FAM162A: variants seen among roughly 807,000 people sequenced by gnomAD.
FAM162A encodes protein FAM162A.
Under a neutral mutation model 21.8 loss-of-function variants are expected in FAM162A, and 23 were observed. That is an observed-to-expected ratio of 1.05 (90% CI 0.76 to 1.49). FAM162A has a LOEUF of 1.49. Among genes scored for constraint, FAM162A ranks in the 40% most tolerant of loss-of-function variants. The probability of loss-of-function intolerance (pLI) is 0.00; values close to 1 mark genes in which losing one functional copy is unlikely to be tolerated. For missense variants in FAM162A, 165 were observed against 186.4 expected, an observed-to-expected ratio of 0.89 and a Z score of 0.67; for synonymous variants, 53 against 61.3, an observed-to-expected ratio of 0.86 and a Z score of 0.64.
intron 1 of FAM162A, among the ~76,000 whole-genome samples, chr3:122,400,495 A>C (rs977814704): frequency 6.6e-6 from 1 of 152,180 alleles, no homozygotes. Flanking sequence ...TGTTCTGCAC[A>C]TGTATCCTAG....
rs1456716792 is a variant in FAM162A at position 122,411,062 on chromosome 3, C to G, written c.*1231C>G. ...TAGTATATGCAGGGTTGGGTACTAT[C>G]CACAGTTTCAGGCATCTACTGGGGG... On this transcript the variant is annotated 3_prime_UTR_variant, in exon 5 of 5. Coordinates refer to ENST00000477892, the MANE Select transcript of FAM162A (RefSeq NM_014367.4). 2.0e-5 allele frequency: 3 copies of G among 152,250 alleles called. No homozygotes were observed. The highest frequency in any genetic ancestry group is 2.9e-5 in the Non-Finnish European group (2 of 68,088). The allele number at this position is 152,250 out of a possible 1,614,324, so 9.4% of individuals were successfully genotyped here.
rs1439097894 is a variant in FAM162A at position 122,411,146 on chromosome 3, T to C, written c.*1315T>C. 6.6e-6 allele frequency: 1 copy of C among 152,210 alleles called. No individual in the cohort carries two copies. The highest frequency in any genetic ancestry group is 6.5e-5 in the Admixed American group (1 of 15,282). 9.4% of individuals were successfully genotyped at this position (152,210 alleles called of 1,614,324 possible). ...ACTACTGTATACAGCCATGCCAACA[T>C]GCTGGTTCTCAGAGAGTTATAAGAG... On this transcript the variant is annotated 3_prime_UTR_variant, in exon 5 of 5. Transcript: ENST00000477892.
In FAM162A at chr3:122,388,835, G is replaced by A. The variant is rs181256134; in HGVS notation, c.34+4536G>A. Among the ~76,000 whole-genome samples the A allele has an allele frequency of 4.6e-5, 7 of 152,294 alleles. No homozygotes were observed. The East Asian group carries it at 1.4e-3, about 29-fold the overall frequency. The stretch of plus-strand genomic sequence containing the variant: ...GAGGCCGAGGTGGGCGGATCACGAG[G>A]TCAGGAGATCGAGACCATCCTTGCT... On this transcript the variant is annotated intron_variant, in intron 1 of 4. Transcript: ENST00000477892.
intron 1 of FAM162A, among the ~76,000 whole-genome samples, chr3:122,386,412 G>T (rs1381160067): frequency 6.6e-6 from 1 of 152,072 alleles, no homozygotes; most frequent in Non-Finnish European, 1.5e-5. Context: ...AATTAGCTGG[G>T]CATGGTGGCT....
Position 122,410,247 on chromosome 3 carries a change from T to TG in FAM162A, c.*418dup, listed in dbSNP as rs1244023038. On this transcript the variant is annotated 3_prime_UTR_variant, in exon 5 of 5. Transcript: ENST00000477892. ...AGCCTTCTCAAATGTCCTGGTGTAC[T>TG]GGTGGGGAGGCTGCCCCCTAATAGA... 3.4e-6 allele frequency: 1 copy of TG among 291,174 alleles called. No homozygotes were observed. The highest frequency in any genetic ancestry group is 4.9e-5 in the Admixed American group (1 of 20,494). 18.0% of individuals were successfully genotyped at this position (291,174 alleles called of 1,614,324 possible).
In FAM162A at chr3:122,384,310, G is replaced by C; in HGVS notation, c.34+11G>C. 1 of 1,573,386 alleles carries C rather than the reference G, an allele frequency of 6.4e-7. No individual in the cohort carries two copies. Reference sequence around the variant, plus strand: ...TGCGCCTGGCAGCAGGTGAGACGCCGGTCGGGATATGGGAGGTAGGGGAGC... The same window carrying C: ...TGCGCCTGGCAGCAGGTGAGACGCCCGTCGGGATATGGGAGGTAGGGGAGC... On this transcript the variant is annotated intron_variant, in intron 1 of 4. Transcript: ENST00000477892.
chr3:122,402,565 A>G (rs1251712115), intron 1 of FAM162A, among the ~76,000 whole-genome samples, 195 bp from the exon 2 acceptor site: 1 of 152,214 alleles, frequency 6.6e-6, no homozygotes, highest in Non-Finnish European at 1.5e-5. Context: ...TTCCTAATCA[A>G]TAAAACATTT....
Position 122,409,768 on chromosome 3 carries a change from C to G in FAM162A, c.402C>G (p.Ser134Arg). The G allele has an allele frequency of 6.2e-7, 1 of 1,614,054 alleles. No individual in the cohort carries two copies. Among genetic ancestry groups the G allele is most frequent in the Non-Finnish European group, 8.5e-7 (1 of 1,179,960 alleles). ...KAAQRHETLT[S>R]LNLEKKARLK... ...CCCAAAGACACGAGACTTTAACAAG[C>G]TTGAACTTAGAAAAGAAAGCTCGTC... The change falls in exon 5 of 5, where the codon AGC becomes AGG. Residue 134 changes from serine to arginine, a missense_variant. Ser to Arg is a moderately radical substitution (Grantham distance 110). Coordinates refer to ENST00000477892, the MANE Select transcript of FAM162A (RefSeq NM_014367.4).
chr3:122,388,050 CT>C (rs2075582757), intron 1 of FAM162A, among the ~76,000 whole-genome samples: 1 of 152,120 alleles, frequency 6.6e-6, no homozygotes, highest in Non-Finnish European at 1.5e-5. Flanking sequence ...CCAAAAAAAC[CT>C]TTTAGCAGGA....
chr3:122,404,425 A>T, intron 3 of FAM162A, 62 bp downstream of exon 3: 1 of 863,560 alleles, frequency 1.2e-6, no homozygotes, highest in Non-Finnish European at 1.8e-6. Context: ...GGGAAAAGCA[A>T]TGCCTCTGAG....
intron 1 of FAM162A, among the ~76,000 whole-genome samples, chr3:122,393,354 C>CAAA (rs35078067): frequency 6.8e-6 from 1 of 147,182 alleles, no homozygotes; most frequent in Non-Finnish European, 1.5e-5. Flanking sequence ...AGCATTTATC[C>CAAA]AAAAAAAAAA....
chr3:122,401,298 T>C, intron 1 of FAM162A: 1 of 622,452 alleles, frequency 1.6e-6, no homozygotes, highest in Non-Finnish European at 2.0e-6. Context: ...TATCTCTTAT[T>C]TTGTGTGCTT....
chr3:122,395,872 T>C lies in FAM162A; in HGVS notation c.35-6888T>C, dbSNP rs373514899. On this transcript the variant is annotated intron_variant, in intron 1 of 4. Coordinates refer to ENST00000477892, the MANE Select transcript of FAM162A (RefSeq NM_014367.4). The stretch of plus-strand genomic sequence containing the variant: ...ATTTAGATCGGTGGAATAGAATTGA[T>C]AGTCCAGAAATATACTCTCATATTT... Among the ~76,000 whole-genome samples, 9 of 152,328 alleles carry C rather than the reference T, an allele frequency of 5.9e-5. 1 individual carries two copies. The highest frequency in any genetic ancestry group is 1.9e-4 in the East Asian group (1 of 5,194).
chr3:122,396,844 A>G (rs945069337), intron 1 of FAM162A, among the ~76,000 whole-genome samples: 1 of 152,230 alleles, frequency 6.6e-6, no homozygotes, highest in Non-Finnish European at 1.5e-5. Context: ...CCTTGAAAAT[A>G]TAAGTAAAAG....
intron 1 of FAM162A, among the ~76,000 whole-genome samples, chr3:122,392,218 T>G (rs2075607107): frequency 6.6e-6 from 1 of 152,190 alleles, no homozygotes; most frequent in Admixed American, 6.5e-5. Flanking sequence ...ACAGCTGTCT[T>G]AGGAAATAAT....
intron 1 of FAM162A, among the ~76,000 whole-genome samples, chr3:122,390,239 C>T (rs12493592): frequency 0.13 from 19,157 of 152,134 alleles, 1,441 homozygotes; most frequent in East Asian, 0.24. Flanking sequence ...TACGACATCC[C>T]TCAGCAGAGG....
At chr3:122,385,550 T>C (rs1169663264) in intron 1 of FAM162A, among the ~76,000 whole-genome samples, 2 of 152,242 alleles carry the variant, frequency 1.3e-5, no homozygotes, top group African/African-American at 4.8e-5. Context: ...TGGAACTACT[T>C]TGACATCTTT....
rs1285819169 is a variant in FAM162A at position 122,411,989 on chromosome 3, A to G, written c.*2158A>G. ...TAGTGACTATCTCTTTATGGGTTAA[A>G]TATCAGTTTCTTGGCCAGAATTCAA... is the stretch of plus-strand genomic sequence containing the variant. On this transcript the variant is annotated 3_prime_UTR_variant, in exon 5 of 5. Coordinates refer to ENST00000477892, the MANE Select transcript of FAM162A (RefSeq NM_014367.4). 1 of 152,200 alleles carries G rather than the reference A, an allele frequency of 6.6e-6. No individual in the cohort carries two copies. Among genetic ancestry groups the G allele is most frequent in the African/African-American group, 2.4e-5 (1 of 41,454 alleles). The allele number at this position is 152,200 out of a possible 1,614,324, so 9.4% of individuals were successfully genotyped here.
intron 1 of FAM162A, among the ~76,000 whole-genome samples, chr3:122,388,633 G>C (rs2075585238): frequency 3.9e-5 from 6 of 152,160 alleles, no homozygotes; most frequent in Admixed American, 3.9e-4. Context: ...GATGAAGTGA[G>C]AGAATTTGGT....
Sources: allele counts gnomAD v4.1 joint callset (sites outside exome capture counted in the v4.1 genomes callset), GRCh38; gene constraint gnomAD v4.1.1; transcripts MANE v1.5; gene names NCBI Gene and HGNC (gene_info 2026-07-23, HGNC 2026-07-21).